Variants in DTNA observed in about 807,000 individuals in gnomAD.
DTNA encodes the protein dystrophin-related protein 3.
In DTNA, 43 loss-of-function variants were observed where a neutral mutation model predicts 100.7. The observed-to-expected ratio is 0.43, with a 90% CI of 0.33 to 0.55. The LOEUF (loss-of-function observed/expected upper bound fraction) is 0.55, where lower values mean the gene tolerates loss of function less well. DTNA is among the 20% of genes least tolerant of loss of function. The probability of loss-of-function intolerance (pLI) is 0.04; values close to 1 mark genes in which losing one functional copy is unlikely to be tolerated. For missense variants in DTNA, 798 were observed against 953.9 expected, an observed-to-expected ratio of 0.84 and a Z score of 2.15; for synonymous variants, 349 against 347.9, an observed-to-expected ratio of 1.00 and a Z score of -0.04.
chr18:34,850,069 C>T (rs150410894), intron 14 of DTNA, among the ~76,000 whole-genome samples: 5 of 152,244 alleles, frequency 3.3e-5, no homozygotes, highest in Admixed American at 2.0e-4. Flanking sequence ...GGAAAGATAC[C>T]GTCCACACAT....
At chr18:34,651,553 T>G (rs1437965568) in intron 1 of DTNA, among the ~76,000 whole-genome samples, 2 of 152,178 alleles carry the variant, frequency 1.3e-5, no homozygotes, top group African/African-American at 4.8e-5. Context: ...CTTAACAAAT[T>G]AACTTAATTA....
In DTNA at chr18:34,694,840, G is replaced by T. The variant is rs151036004; in HGVS notation, c.-1-61136G>T. Among the ~76,000 whole-genome samples, 568 of 152,240 alleles carry T rather than the reference G, an allele frequency of 3.7e-3. 6 individuals are homozygous for T. The highest frequency in any genetic ancestry group is 0.013 in the African/African-American group (533 of 41,550). On this transcript the variant is annotated intron_variant, in intron 1 of 19. Transcript: ENST00000283365. The stretch of plus-strand genomic sequence containing the variant: ...AGCAAAACAGCACTAGTACATTATA[G>T]ATAAGGTTACATTCTTCCCATTCAG...
intron 5 of DTNA, among the ~76,000 whole-genome samples, chr18:34,806,547 T>C (rs184330052): frequency 6.6e-6 from 1 of 152,340 alleles, no homozygotes; most frequent in East Asian, 1.9e-4. Context: ...ACTGGCCTCT[T>C]TCTGAAATTA....
intron 1 of DTNA, among the ~76,000 whole-genome samples, chr18:34,549,779 C>T (rs2045206513): frequency 6.6e-6 from 1 of 151,802 alleles, no homozygotes; most frequent in South Asian, 2.1e-4. Context: ...TTATTTGTAA[C>T]AACTATTGCC....
chr18:34,707,691 A>C (rs1300196413), upstream of DTNA, among the ~76,000 whole-genome samples: 3 of 152,236 alleles, frequency 2.0e-5, no homozygotes, highest in Admixed American at 1.3e-4. Context: ...AAATGAATGC[A>C]GTCAGTGAGA....
intron 1 of DTNA, among the ~76,000 whole-genome samples, chr18:34,668,013 C>T (rs1476370266): frequency 1.3e-5 from 2 of 152,138 alleles, no homozygotes; most frequent in African/African-American, 2.4e-5. Flanking sequence ...CCAGCTCCTC[C>T]TTGTACCTCT....
In DTNA at chr18:34,875,330, C is replaced by A; in HGVS notation, c.1835C>A (p.Thr612Asn). The A allele has an allele frequency of 6.2e-7, 1 of 1,614,228 alleles. No homozygotes were observed. The highest frequency in any genetic ancestry group is 8.5e-7 in the Non-Finnish European group (1 of 1,180,042). Residue 612 changes from threonine (T) to asparagine (N), a missense_variant, in exon 18 of 23, where the codon ACC becomes AAC. Coordinates refer to ENST00000444659, the MANE Select transcript of DTNA (RefSeq NM_001386795.1). ...MPIRSASACS[T>N]PTHTPQDSLT... ...ATCCGGTCAGCGTCAGCCTGCTCCA[C>A]CCCGACGCACACGCCGCAGGACTCC...
At chr18:34,619,793 T>C (rs1355550643) in intron 1 of DTNA, among the ~76,000 whole-genome samples, 1 of 152,224 alleles carries the variant, frequency 6.6e-6, no homozygotes, top group Non-Finnish European at 1.5e-5. Context: ...GGTGTAGAGA[T>C]ACTGATTTAA....
chr18:34,682,311 A>G (rs2078249406), intron 1 of DTNA, among the ~76,000 whole-genome samples: 1 of 152,202 alleles, frequency 6.6e-6, no homozygotes, highest in African/African-American at 2.4e-5. Flanking sequence ...ATTTAGGTAA[A>G]TATTTTAGGT....
At chr18:34,676,679 A>G (rs1327397112) in intron 1 of DTNA, among the ~76,000 whole-genome samples, 2 of 152,146 alleles carry the variant, frequency 1.3e-5, no homozygotes, top group Non-Finnish European at 2.9e-5. Flanking sequence ...TACAAAACAT[A>G]CAAAAATTAG....
intron 2 of DTNA, among the ~76,000 whole-genome samples, chr18:34,760,275 A>G (rs981803186): frequency 3.9e-5 from 6 of 152,030 alleles, no homozygotes; most frequent in African/African-American, 9.7e-5. Flanking sequence ...TCACCCTAAC[A>G]TAGTCTCCTG....
intron 1 of DTNA, among the ~76,000 whole-genome samples, chr18:34,712,312 A>G (rs2083061771): frequency 6.6e-6 from 1 of 152,092 alleles, no homozygotes; most frequent in Non-Finnish European, 1.5e-5. Context: ...GGATGAGGGA[A>G]ATTACTAAAA....
rs188023352 is a variant in DTNA, at chr18:34,544,800, T to C, written c.-2+51286T>C. ...ATTACTGGGCAGAAAAGAGTGCTGG[T>C]TTCTCGGTGTTGAGGAGGAAGCCTG... On this transcript the variant is annotated intron_variant, in intron 1 of 19. Coordinates refer to the DTNA transcript ENST00000283365. Among the ~76,000 whole-genome samples, 202 of 151,956 alleles carry C rather than the reference T, an allele frequency of 1.3e-3. 1 individual carries two copies. The highest frequency in any genetic ancestry group is 2.1e-3 in the Non-Finnish European group (141 of 67,942).
In DTNA at chr18:34,851,820, A is replaced by T. The variant is rs758607581; in HGVS notation, c.1435-11A>T. 2 of 1,613,710 alleles carry T rather than the reference A, an allele frequency of 1.2e-6. No individual in the cohort carries two copies. Among genetic ancestry groups the T allele is most frequent in the Non-Finnish European group, 1.7e-6 (2 of 1,179,684 alleles). On this transcript the variant is annotated splice_polypyrimidine_tract_variant and intron_variant, in intron 14 of 22. Transcript: ENST00000444659. ...CTCAATATGAAATCTTATAAACTAC[A>T]TATTTTACAGCAGCCACCTCAGCAG...
rs201839817 is a variant in DTNA, at chr18:34,617,189, GTCT to G, written c.-2+123682_-2+123684del. ...ATGTGTGGTAAGAGTGGGCATCCGT[GTCT>G]TCTTCTGGTTCTCAAGGGGAATGCT... On this transcript the variant is annotated intron_variant, in intron 1 of 19. Transcript: ENST00000283365. 5.0e-3 allele frequency among the ~76,000 whole-genome samples: 764 copies of G among 152,232 alleles called. 6 individuals carry two copies. The highest frequency in any genetic ancestry group is 0.017 in the African/African-American group (714 of 41,536).
chr18:34,631,083 A>C (rs868155374), intron 1 of DTNA, among the ~76,000 whole-genome samples: 3 of 152,318 alleles, frequency 2.0e-5, no homozygotes, highest in South Asian at 4.1e-4. Context: ...ATACTAGCTA[A>C]CATATATTGA....
At chr18:34,885,122 C>T (rs1299457036) in intron 22 of DTNA, among the ~76,000 whole-genome samples, 2 of 152,186 alleles carry the variant, frequency 1.3e-5, no homozygotes, top group Non-Finnish European at 2.9e-5. Context: ...TTTGTAGCCG[C>T]TCTAGCACTT....
chr18:34,886,534 A>G (rs1035343382), intron 22 of DTNA, among the ~76,000 whole-genome samples: 4 of 152,234 alleles, frequency 2.6e-5, no homozygotes, highest in Admixed American at 1.3e-4. Flanking sequence ...ATCAGTAGCT[A>G]GTTCTTAGAA....
chr18:34,707,176 T>C (rs1233799636), upstream of DTNA, among the ~76,000 whole-genome samples: 1 of 152,160 alleles, frequency 6.6e-6, no homozygotes, highest in African/African-American at 2.4e-5. Context: ...GGAAATTAGG[T>C]GCTCTCACAT....
Sources: allele counts gnomAD v4.1 joint callset (sites outside exome capture counted in the v4.1 genomes callset), GRCh38; gene constraint gnomAD v4.1.1; transcripts MANE v1.5; gene names NCBI Gene and HGNC (gene_info 2026-07-23, HGNC 2026-07-21).